The following RIC1 variants were observed in gnomAD, a reference collection of about 807,000 sequenced individuals.
RIC1 encodes the protein RIC1 partner of RAB6A GEF complex.
RIC1 carries 88 observed loss-of-function variants against 169.0 expected under a neutral mutation model. That is an observed-to-expected ratio of 0.52 (90% CI 0.44 to 0.62). RIC1 has a LOEUF of 0.62. Ranked by LOEUF, RIC1 falls within the 20% of genes least tolerant of loss-of-function variation. The pLI, the probability that RIC1 is intolerant of heterozygous loss-of-function variation, is 0.00. For synonymous variants in RIC1, 790 were observed against 601.5 expected, an observed-to-expected ratio of 1.31 and a Z score of -4.59; for missense variants, 1,877 against 1,725.5, an observed-to-expected ratio of 1.09 and a Z score of -1.56.
intron 2 of RIC1, among the ~76,000 whole-genome samples, chr9:5,688,886 ACT>A (rs1821419250): frequency 6.6e-6 from 1 of 152,012 alleles, no homozygotes; most frequent in Non-Finnish European, 1.5e-5. Flanking sequence ...CTGCCACTTC[ACT>A]CTGTTAGGCG....
intron 2 of RIC1, among the ~76,000 whole-genome samples, chr9:5,668,952 T>C (rs1819939055): frequency 6.6e-6 from 1 of 152,192 alleles, no homozygotes; most frequent in Non-Finnish European, 1.5e-5. Flanking sequence ...TTTCTGTTTC[T>C]TTTTATGTGT....
intron 12 of RIC1, among the ~76,000 whole-genome samples, chr9:5,750,429 A>G (rs996355911): frequency 6.6e-6 from 1 of 151,858 alleles, no homozygotes; most frequent in African/African-American, 2.4e-5. Flanking sequence ...AGGGATTTCA[A>G]CAGAGAGTAT....
chr9:5,734,456 C>T (rs1007642491), intron 7 of RIC1, among the ~76,000 whole-genome samples: 10 of 152,240 alleles, frequency 6.6e-5, no homozygotes, highest in African/African-American at 2.4e-4. Context: ...CTTCCTATGT[C>T]ATTTTGGCAA....
chr9:5,651,558 CT>C (rs58654916), intron 1 of RIC1, among the ~76,000 whole-genome samples: 2,110 of 107,786 alleles, frequency 0.02, 6 homozygotes, highest in Non-Finnish European at 0.027. Context: ...AGTCTTTAAT[CT>C]TTTTTTTTTT....
chr9:5,670,963 T>G (rs572245195), intron 2 of RIC1, among the ~76,000 whole-genome samples: 43 of 152,250 alleles, frequency 2.8e-4, no homozygotes, highest in African/African-American at 9.1e-4. Flanking sequence ...CCAGGACCAG[T>G]TGGTGGGTCC....
At chr9:5,770,985 TTTGA>T (rs1827179198) in intron 23 of RIC1, among the ~76,000 whole-genome samples, 1 of 152,320 alleles carries the variant, frequency 6.6e-6, no homozygotes, top group East Asian at 1.9e-4. Context: ...TTGTCTAATG[TTTGA>T]TTATCAGTCT....
intron 25 of RIC1, 112 bp from the exon 26 acceptor site, chr9:5,773,846 C>T (rs964310490): frequency 9.7e-7 from 1 of 1,027,504 alleles, no homozygotes; most frequent in Non-Finnish European, 1.4e-6. Flanking sequence ...CTCTCCCCTC[C>T]TAATCTATCG....
At chr9:5,659,199 A>G (rs1483670706) in intron 2 of RIC1, among the ~76,000 whole-genome samples, 1 of 152,094 alleles carries the variant, frequency 6.6e-6, no homozygotes, top group East Asian at 1.9e-4. Flanking sequence ...TTGAAAATCA[A>G]TTGGCCATTG....
intron 4 of RIC1, among the ~76,000 whole-genome samples, chr9:5,714,992 T>C (rs769417104): frequency 1.2e-4 from 19 of 152,244 alleles, no homozygotes; most frequent in Non-Finnish European, 7.3e-5. Context: ...TACAGAATGA[T>C]ACTGAAACAT....
intron 2 of RIC1, among the ~76,000 whole-genome samples, chr9:5,671,274 ATT>A (rs1231921630): frequency 2.2e-5 from 3 of 136,146 alleles, no homozygotes; most frequent in African/African-American, 9.1e-5. Context: ...TATTATTATT[ATT>A]TTTTTTTTTT....
chr9:5,718,798 A>G (rs1168345114), intron 4 of RIC1, among the ~76,000 whole-genome samples: 2 of 152,338 alleles, frequency 1.3e-5, no homozygotes, highest in East Asian at 3.9e-4. Flanking sequence ...AATGGCTGTG[A>G]AGTTCAAGAA....
intron 17 of RIC1, among the ~76,000 whole-genome samples, chr9:5,762,248 C>G (rs1304780763): frequency 6.6e-6 from 1 of 152,160 alleles, no homozygotes; most frequent in Admixed American, 6.5e-5. Flanking sequence ...CTGAAGTGAT[C>G]TCTCATTTTT....
In RIC1 at chr9:5,655,730, C is replaced by G. The variant is rs909769319; in HGVS notation, c.145-853C>G. 2.0e-5 allele frequency among the ~76,000 whole-genome samples: 3 copies of G among 152,004 alleles called. 1 individual carries two copies. The highest frequency in any genetic ancestry group is 1.3e-4 in the Admixed American group (2 of 15,266). On this transcript the variant is annotated intron_variant, in intron 1 of 25. Transcript: ENST00000414202. ...TATTAATTGAGTTTTGAATGCCGAA[C>G]CAGGCTTGTATTTCTGGGGTATATC...
chr9:5,778,118 T>A (rs897078957), downstream of RIC1, among the ~76,000 whole-genome samples: 2 of 152,226 alleles, frequency 1.3e-5, no homozygotes, highest in Non-Finnish European at 2.9e-5. Context: ...GGGTTTTTAA[T>A]GTCTTTTAAC....
Position 5,774,394 on chromosome 9 carries a change from C to G in RIC1, c.*148C>G, listed in dbSNP as rs989506577. The G allele has an allele frequency of 4.9e-6, 3 of 615,094 alleles. No homozygotes were observed. The highest frequency in any genetic ancestry group is 3.4e-5 in the Admixed American group (1 of 29,070). The allele number at this position is 615,094 out of a possible 1,614,324, so 38.1% of individuals were successfully genotyped here. A position where few individuals can be genotyped will look rare whatever the true frequency, so the allele number is the denominator to read the frequency against. On this transcript the variant is annotated 3_prime_UTR_variant, in exon 26 of 26. Coordinates refer to ENST00000414202, the MANE Select transcript of RIC1 (RefSeq NM_020829.4). ...TAGATTTTAACTAATTCTTTCTTGTCTAAGAAATCTTTTTGACTCCATAAA... is the reference window on the plus strand; with the variant it reads ...TAGATTTTAACTAATTCTTTCTTGTGTAAGAAATCTTTTTGACTCCATAAA...
intron 23 of RIC1, among the ~76,000 whole-genome samples, chr9:5,772,135 TC>T (rs1563728033): frequency 6.6e-6 from 1 of 152,212 alleles, no homozygotes; most frequent in South Asian, 2.1e-4. Flanking sequence ...AAGTGGATGT[TC>T]CCCCACCCTC....
intron 1 of RIC1, among the ~76,000 whole-genome samples, chr9:5,635,678 A>G (rs575879973): frequency 1.1e-4 from 17 of 152,230 alleles, no homozygotes; most frequent in African/African-American, 4.1e-4. Context: ...ATCCCCATGT[A>G]TGGAGGGCAG....
chr9:5,641,450 T>G (rs745616245), intron 1 of RIC1, among the ~76,000 whole-genome samples: 13 of 152,134 alleles, frequency 8.5e-5, no homozygotes, highest in Admixed American at 2.0e-4. Context: ...TTCTCATACT[T>G]GAATGCAGAT....
intron 1 of RIC1, among the ~76,000 whole-genome samples, chr9:5,646,357 G>C (rs1392885373): frequency 6.6e-6 from 1 of 152,080 alleles, no homozygotes; most frequent in Non-Finnish European, 1.5e-5. Context: ...TCCATGTAAT[G>C]GCAGTTTGAG....
Sources: gnomAD v4.1 joint callset for allele counts (sites outside exome capture counted in the v4.1 genomes callset) on GRCh38, gnomAD v4.1.1 for gene constraint, MANE v1.5 for transcripts, NCBI Gene and HGNC (gene_info 2026-07-23, HGNC 2026-07-21) for gene names.